ERVMER34-1: variants seen among roughly 807,000 people sequenced by gnomAD.
The protein encoded by ERVMER34-1 is endogenous retroviral envelope protein HEMO.
For missense variants in ERVMER34-1, 471 were observed against 295.1 expected, an observed-to-expected ratio of 1.60 and a Z score of -4.37; for synonymous variants, 199 against 111.7, an observed-to-expected ratio of 1.78 and a Z score of -4.93.
At position 52,745,032 on chromosome 4, in the gene ERVMER34-1, A is replaced by T. The variant is rs1263337327; in HGVS notation, c.489T>A (p.Asp163Glu). The T allele has an allele frequency of 1.6e-5, 11 of 704,058 alleles. No homozygotes were observed. Among genetic ancestry groups the T allele is most frequent in the Non-Finnish European group, 2.9e-5 (11 of 385,022 alleles). 43.6% of individuals were successfully genotyped at this position (704,058 alleles called of 1,614,324 possible). A position where few individuals can be genotyped will look rare whatever the true frequency, so the allele number is the denominator to read the frequency against. Residue 163 changes from aspartate (D) to glutamate (E), a missense_variant, in exon 3 of 3, where the codon GAT (aspartate) becomes GAA (glutamate). By Grantham distance (45) the Asp-to-Glu change is conservative. Transcript: ENST00000443173. ...CATCGTTCCTGGATTCATTTGTAAC[A>T]TCTATAGAGGGCATGAAGGTGCCAT... ...STDGTFMPSIDVTNESRNDDD... is the reference protein window; with the variant it reads ...STDGTFMPSIEVTNESRNDDD...
chr4:52,743,419 T>C lies in ERVMER34-1; in HGVS notation c.*410A>G, dbSNP rs1716062006. 6.4e-6 allele frequency: 1 copy of C among 156,708 alleles called. No individual in the cohort carries two copies. The highest frequency in any genetic ancestry group is 2.4e-5 in the African/African-American group (1 of 41,622). 9.7% of individuals were successfully genotyped at this position (156,708 alleles called of 1,614,324 possible). ...CAAGGGAACAAAATTCCCTTATCTA[T>C]TCAAACACACTCTTTGGTCTATCCA... On this transcript the variant is annotated 3_prime_UTR_variant, in exon 3 of 3. Transcript: ENST00000443173.
In ERVMER34-1 at chr4:52,744,179, T is replaced by C. The variant is rs972728687; in HGVS notation, c.1342A>G (p.Ile448Val). 4.3e-6 allele frequency: 3 copies of C among 703,994 alleles called. No homozygotes were observed. The highest frequency in any genetic ancestry group is 3.5e-5 in the African/African-American group (2 of 57,236). The allele number at this position is 703,994 out of a possible 1,614,324, so 43.6% of individuals were successfully genotyped here. Residue 448 changes from isoleucine to valine, a missense_variant, in exon 3 of 3, where the codon ATA becomes GTA. Transcript: ENST00000443173. Reference protein sequence around the residue: ...GTVGKQCCLYINYSEEIKSNI... With the variant: ...GTVGKQCCLYVNYSEEIKSNI... ...GACTTTATTTCTTCCGAATAATTTA[T>C]ATAGAGGCAACACTGTTTGCCAACA...
rs1018262597 is a variant in ERVMER34-1 at position 52,744,920 on chromosome 4, G to C, written c.601C>G (p.Pro201Ala). The change falls in exon 3 of 3, where the codon CCC becomes GCC. Residue 201 changes from proline (P) to alanine (A), a missense_variant. Coordinates refer to ENST00000443173, the MANE Select transcript of ERVMER34-1 (RefSeq NM_001242690.2). ...TNRTWNSSAV[P>A]LIGLPNTQDY... ...TGGGTATTGGGCAGACCAATCAAGG[G>C]AACAGCTGAGCTGTTCCAGGTCCGG... is the stretch of plus-strand genomic sequence containing the variant. 2 of 704,098 alleles carry C rather than the reference G, an allele frequency of 2.8e-6. No homozygotes were observed. The highest frequency in any genetic ancestry group is 4.0e-5 in the Admixed American group (2 of 50,018). The allele number at this position is 704,098 out of a possible 1,614,324, so 43.6% of individuals were successfully genotyped here. A position where few individuals can be genotyped will look rare whatever the true frequency, so the allele number is the denominator to read the frequency against.
In ERVMER34-1 at chr4:52,744,555, A is replaced by G. The variant is rs1560436376; in HGVS notation, c.966T>C (p.Leu322=). 4 of 704,098 alleles carry G rather than the reference A, an allele frequency of 5.7e-6. No homozygotes were observed. Among genetic ancestry groups the G allele is most frequent in the Non-Finnish European group, 1.0e-5 (4 of 385,008 alleles). 43.6% of individuals were successfully genotyped at this position (704,098 alleles called of 1,614,324 possible). A position where few individuals can be genotyped will look rare whatever the true frequency, so the allele number is the denominator to read the frequency against. ...KWSGRCGLGY[L]VPSLTRYLTL... Reference sequence around the variant, plus strand: ...TGAGGTATCTGGTGAGGGAAGGTACAAGATACCCAAGTCCACATCGCCCAG... The same window carrying G: ...TGAGGTATCTGGTGAGGGAAGGTACGAGATACCCAAGTCCACATCGCCCAG... The change falls in exon 3 of 3, where the codon CTT becomes CTC. Residue 322 remains leucine (L), a synonymous_variant. Coordinates refer to ENST00000443173, the MANE Select transcript of ERVMER34-1 (RefSeq NM_001242690.2).
Position 52,743,967 on chromosome 4 carries a change from G to A in ERVMER34-1, c.1554C>T (p.Ser518=), listed in dbSNP as rs1716076041. ...CTAGGTTCAGAGGTTGGGAGTTAAGGGATCTGCGAGATTTGCGAAAGACAC... is the reference window on the plus strand; with the variant it reads ...CTAGGTTCAGAGGTTGGGAGTTAAGAGATCTGCGAGATTTGCGAAAGACAC... The part of the protein sequence containing the change: ...YVRVFRKSRR[S]LNSQPLNLAL... The change falls in exon 3 of 3, where the codon TCC becomes TCT. Residue 518 remains serine, a synonymous_variant. Coordinates refer to ENST00000443173, the MANE Select transcript of ERVMER34-1 (RefSeq NM_001242690.2). 1 of 867,956 alleles carries A rather than the reference G, an allele frequency of 1.2e-6. No individual in the cohort carries two copies. 53.8% of individuals were successfully genotyped at this position (867,956 alleles called of 1,614,324 possible).
chr4:52,747,628 T>C (rs1311837480), intron 2 of ERVMER34-1, among the ~76,000 whole-genome samples: 2 of 152,168 alleles, frequency 1.3e-5, no homozygotes, highest in African/African-American at 4.8e-5. Flanking sequence ...ACTGGAGGGT[T>C]CCTTGGTGCA....
intron 2 of ERVMER34-1, among the ~76,000 whole-genome samples, chr4:52,748,923 A>G (rs1478878015): frequency 1.3e-5 from 2 of 152,104 alleles, no homozygotes; most frequent in Non-Finnish European, 2.9e-5. Flanking sequence ...TGGTGCAAGC[A>G]TGGCTCACTG....
intron 2 of ERVMER34-1, among the ~76,000 whole-genome samples, chr4:52,749,396 C>T (rs1015197621): frequency 2.0e-5 from 3 of 152,146 alleles, no homozygotes; most frequent in African/African-American, 7.2e-5. Context: ...TGCTCTAAAC[C>T]TGTACCTCTC....
At chr4:52,748,857 T>C (rs1432301296) in intron 2 of ERVMER34-1, among the ~76,000 whole-genome samples, 1 of 152,104 alleles carries the variant, frequency 6.6e-6, no homozygotes, top group Admixed American at 6.5e-5. Context: ...CATATTTTTT[T>C]TTCTTTTTTT....
Position 52,744,325 on chromosome 4 carries a change from A to C in ERVMER34-1, c.1196T>G (p.Phe399Cys). Residue 399 changes from phenylalanine to cysteine, a missense_variant, in exon 3 of 3, where the codon TTC becomes TGC. By Grantham distance (205) the Phe-to-Cys change is radical. Coordinates refer to ENST00000443173, the MANE Select transcript of ERVMER34-1 (RefSeq NM_001242690.2). ...TTCCAAGGTCTGCTTAGTGGCACTG[A>C]ATTCCTGTTCCATTGCTTTGGAAAT... is the stretch of plus-strand genomic sequence containing the variant. ...LNISKAMEQE[F>C]SATKQTLEAH... 1 of 704,114 alleles carries C rather than the reference A, an allele frequency of 1.4e-6. No homozygotes were observed. The highest frequency in any genetic ancestry group is 2.0e-5 in the Admixed American group (1 of 50,018). 43.6% of individuals were successfully genotyped at this position (704,114 alleles called of 1,614,324 possible).
In ERVMER34-1 at chr4:52,744,545, G is replaced by C; in HGVS notation, c.976C>G (p.Leu326Val). The part of the protein sequence containing the change: ...RCGLGYLVPS[L>V]TRYLTLNASQ... Reference sequence around the variant, plus strand: ...GCATTTAAGGTGAGGTATCTGGTGAGGGAAGGTACAAGATACCCAAGTCCA... The same window carrying C: ...GCATTTAAGGTGAGGTATCTGGTGACGGAAGGTACAAGATACCCAAGTCCA... The change falls in exon 3 of 3, where the codon CTC (leucine) becomes GTC (valine). Residue 326 changes from leucine (L) to valine (V), a missense_variant. Physicochemically the swap from Leu to Val is conservative, Grantham distance 32 (BLOSUM62 1). Coordinates refer to ENST00000443173, the MANE Select transcript of ERVMER34-1 (RefSeq NM_001242690.2). 1 of 704,040 alleles carries C rather than the reference G, an allele frequency of 1.4e-6. No individual in the cohort carries two copies. Among genetic ancestry groups the C allele is most frequent in the Non-Finnish European group, 2.6e-6 (1 of 384,998 alleles). The allele number at this position is 704,040 out of a possible 1,614,324, so 43.6% of individuals were successfully genotyped here.
rs1266174430 is a variant in ERVMER34-1 at position 52,745,278 on chromosome 4, C to A, written c.243G>T (p.Trp81Cys). The A allele has an allele frequency of 1.4e-6, 1 of 703,978 alleles. No individual in the cohort carries two copies. Among genetic ancestry groups the A allele is most frequent in the Non-Finnish European group, 2.6e-6 (1 of 384,996 alleles). 43.6% of individuals were successfully genotyped at this position (703,978 alleles called of 1,614,324 possible). ...YSGQWMYERV[W>C]YPQAEVQNHS... ...GATTCTGTACTTCTGCTTGTGGATA[C>A]CACACCCTTTCATACATCCATTGTC... The change falls in exon 3 of 3, where the codon TGG becomes TGT. Residue 81 changes from tryptophan (W) to cysteine (C), a missense_variant. Coordinates refer to ENST00000443173, the MANE Select transcript of ERVMER34-1 (RefSeq NM_001242690.2).
chr4:52,750,227 G>C (rs919003758), intron 2 of ERVMER34-1, among the ~76,000 whole-genome samples: 1 of 152,066 alleles, frequency 6.6e-6, no homozygotes, highest in African/African-American at 2.4e-5. Context: ...TCGAACTCCT[G>C]ACCTCAGGCA....
At position 52,744,067 on chromosome 4, in the gene ERVMER34-1, T is replaced by G. The variant is rs1368843597; in HGVS notation, c.1454A>C (p.Asp485Ala). ...DWQGIFAKVG[D>A]WFRSWGYVLL... is the part of the protein sequence containing the mutation. ...CACATAGCCCCATGATCTGAACCAG[T>G]CTCCCACTTTTGCAAATATGCCTTG... Residue 485 changes from aspartate (D) to alanine (A), a missense_variant, in exon 3 of 3, where the codon GAC (aspartate) becomes GCC (alanine). By Grantham distance (126) the Asp-to-Ala change is moderately radical. Transcript: ENST00000443173. 1 of 704,832 alleles carries G rather than the reference T, an allele frequency of 1.4e-6. No individual in the cohort carries two copies. Among genetic ancestry groups the G allele is most frequent in the Non-Finnish European group, 2.6e-6 (1 of 385,668 alleles). 43.7% of individuals were successfully genotyped at this position (704,832 alleles called of 1,614,324 possible). A position where few individuals can be genotyped will look rare whatever the true frequency, so the allele number is the denominator to read the frequency against.
Position 52,745,296 on chromosome 4 carries a change from C to T in ERVMER34-1, c.225G>A (p.Trp75Ter), listed in dbSNP as rs1304402808. Residue 75 changes from tryptophan (W) to a stop codon, truncating the protein, a stop_gained, in exon 3 of 3, where the codon TGG (tryptophan) becomes TGA (stop). Transcript: ENST00000443173. LOFTEE classifies it low-confidence loss of function (END_TRUNC). ...GTGGATACCACACCCTTTCATACAT[C>T]CATTGTCCAGAATAGGTCCACCAGG... Reference protein sequence around the residue: ...ASTWWTYSGQWMYERVWYPQA... With the variant: ...ASTWWTYSGQ The T allele has an allele frequency of 1.4e-6, 1 of 703,986 alleles. No individual in the cohort carries two copies. The highest frequency in any genetic ancestry group is 1.5e-5 in the South Asian group (1 of 67,592). 43.6% of individuals were successfully genotyped at this position (703,986 alleles called of 1,614,324 possible). A position where few individuals can be genotyped will look rare whatever the true frequency, so the allele number is the denominator to read the frequency against.
intron 2 of ERVMER34-1, 92 bp downstream of exon 2, chr4:52,750,838 C>G (rs138502483): frequency 2.0e-5 from 3 of 152,366 alleles, no homozygotes; most frequent in African/African-American, 7.2e-5. Context: ...TCCTGTTAAG[C>G]GAGCAGGATT....
chr4:52,744,778 A>T lies in ERVMER34-1; in HGVS notation c.743T>A (p.Phe248Tyr), dbSNP rs1437791598. The T allele has an allele frequency of 3.1e-5, 22 of 703,972 alleles. No individual in the cohort carries two copies. In the Admixed American group the frequency reaches 4.4e-4, roughly 14 times the overall value. 43.6% of individuals were successfully genotyped at this position (703,972 alleles called of 1,614,324 possible). ...GLLYQLFRNL[F>Y]CSYGLTEAHG... ...TGCCTCTGTCAGGCCATAAGAGCAA[A>T]ATAGGTTGCGAAATAGCTGGTACAG... The change falls in exon 3 of 3, where the codon TTT (phenylalanine) becomes TAT (tyrosine). Residue 248 changes from phenylalanine (F) to tyrosine (Y), a missense_variant. By Grantham distance (22) the Phe-to-Tyr change is conservative. Transcript: ENST00000443173.
intron 2 of ERVMER34-1, among the ~76,000 whole-genome samples, chr4:52,749,735 G>T (rs868635977): frequency 6.6e-5 from 10 of 152,258 alleles, no homozygotes; most frequent in Non-Finnish European, 1.2e-4. Flanking sequence ...GTTGCAGTGA[G>T]CCGAGATGGC....
At position 52,745,084 on chromosome 4, in the gene ERVMER34-1, T is replaced by A. The variant is rs1280798041; in HGVS notation, c.437A>T (p.Asn146Ile). ...FLGNIPKQYCNQILWFDSTDG... is the reference protein window; with the variant it reads ...FLGNIPKQYCIQILWFDSTDG... The stretch of plus-strand genomic sequence containing the variant: ...TGTAGAATCAAACCATAGTATTTGA[T>A]TACAGTATTGTTTAGGTATATTACC... The change falls in exon 3 of 3, where the codon AAT becomes ATT. Residue 146 changes from asparagine to isoleucine, a missense_variant. Physicochemically the swap from Asn to Ile is moderately radical, Grantham distance 149. Coordinates refer to ENST00000443173, the MANE Select transcript of ERVMER34-1 (RefSeq NM_001242690.2). The A allele has an allele frequency of 2.8e-6, 2 of 704,060 alleles. No homozygotes were observed. Among genetic ancestry groups the A allele is most frequent in the Non-Finnish European group, 5.2e-6 (2 of 385,006 alleles). 43.6% of individuals were successfully genotyped at this position (704,060 alleles called of 1,614,324 possible). A position where few individuals can be genotyped will look rare whatever the true frequency, so the allele number is the denominator to read the frequency against.
Sources: allele counts gnomAD v4.1 joint callset (sites outside exome capture counted in the v4.1 genomes callset), GRCh38; gene constraint gnomAD v4.1.1; transcripts MANE v1.5; gene names NCBI Gene and HGNC (gene_info 2026-07-23, HGNC 2026-07-21).